Variants in XPNPEP3 observed in about 807,000 individuals in gnomAD.
XPNPEP3 encodes the protein xaa-Pro aminopeptidase 3.
In XPNPEP3, 41 loss-of-function variants were observed where a neutral mutation model predicts 60.0. That is an observed-to-expected ratio of 0.68 (90% CI 0.53 to 0.89). The LOEUF (loss-of-function observed/expected upper bound fraction) is 0.89, where lower values mean the gene tolerates loss of function less well. XPNPEP3 is among the 40% of genes least tolerant of loss of function. XPNPEP3 has a pLI of 0.00. For synonymous variants in XPNPEP3, 212 were observed against 223.2 expected, an observed-to-expected ratio of 0.95 and a Z score of 0.45; for missense variants, 598 against 638.9, an observed-to-expected ratio of 0.94 and a Z score of 0.69.
chr22:40,874,710 G>A (rs1160828538), intron 2 of XPNPEP3, among the ~76,000 whole-genome samples: 1 of 152,154 alleles, frequency 6.6e-6, no homozygotes, highest in African/African-American at 2.4e-5. Context: ...ATAGGCATGA[G>A]CCACCATACC....
At chr22:40,887,670 G>C (rs569707390) in intron 4 of XPNPEP3, among the ~76,000 whole-genome samples, 1 of 152,032 alleles carries the variant, frequency 6.6e-6, no homozygotes, top group Non-Finnish European at 1.5e-5. Context: ...TAATTCTGCG[G>C]GAAACACAAT....
rs143092590 is a variant in XPNPEP3 at position 40,882,136 on chromosome 22, A to C, written c.548A>C (p.Tyr183Ser). The C allele has an allele frequency of 6.2e-7, 1 of 1,614,096 alleles. No homozygotes were observed. Among genetic ancestry groups the C allele is most frequent in the African/African-American group, 1.3e-5 (1 of 74,938 alleles). The change falls in exon 3 of 10, where the codon TAT (tyrosine) becomes TCT (serine). Residue 183 changes from tyrosine to serine, a missense_variant. Tyr to Ser is a moderately radical substitution (Grantham distance 144). Transcript: ENST00000357137. The part of the protein sequence containing the change: ...AIALTGVDEA[Y>S]TLEEFQHLLP... ...GCTCTAACTGGAGTAGACGAAGCCT[A>C]TACGCTAGAAGAATTTCAACATCTT... is the stretch of plus-strand genomic sequence containing the variant.
intron 1 of XPNPEP3, chr22:40,860,811 T>A (rs746110378): frequency 3.1e-6 from 2 of 636,488 alleles, no homozygotes; most frequent in Non-Finnish European, 5.2e-6. Context: ...CCACCACACT[T>A]GGCTAATTTT....
intron 7 of XPNPEP3, among the ~76,000 whole-genome samples, chr22:40,921,129 C>T (rs1225426641): frequency 6.7e-6 from 1 of 150,072 alleles, no homozygotes; most frequent in Admixed American, 6.6e-5. Context: ...TGGACCTCCT[C>T]ATGGGTCAAG....
At chr22:40,902,930 A>G (rs1205646320) in intron 4 of XPNPEP3, among the ~76,000 whole-genome samples, 1 of 152,218 alleles carries the variant, frequency 6.6e-6, no homozygotes, top group Non-Finnish European at 1.5e-5. Flanking sequence ...GGAACCAGTG[A>G]TGAATGCCCA....
chr22:40,869,360 A>G (rs575782500), intron 2 of XPNPEP3, among the ~76,000 whole-genome samples: 15 of 152,294 alleles, frequency 9.8e-5, no homozygotes, highest in African/African-American at 3.6e-4. Flanking sequence ...TTTATTGACA[A>G]TACTAGTCTA....
rs1169327166 is a variant in XPNPEP3 at position 40,926,596 on chromosome 22, T to C, written c.*161T>C. 1.1e-6 allele frequency: 1 copy of C among 903,734 alleles called. No individual in the cohort carries two copies. Among genetic ancestry groups the C allele is most frequent in the African/African-American group, 1.6e-5 (1 of 60,832 alleles). 56.0% of individuals were successfully genotyped at this position (903,734 alleles called of 1,614,324 possible). A position where few individuals can be genotyped will look rare whatever the true frequency, so the allele number is the denominator to read the frequency against. On this transcript the variant is annotated 3_prime_UTR_variant, in exon 10 of 10. Transcript: ENST00000357137. The stretch of plus-strand genomic sequence containing the variant: ...TATGTAATTGTGTGTGGGGGGTTTT[T>C]TGTTTTAAGTAGTTAGAAGTCTGGG...
chr22:40,868,388 T>C (rs891110509), intron 1 of XPNPEP3, among the ~76,000 whole-genome samples: 1 of 152,124 alleles, frequency 6.6e-6, no homozygotes. Flanking sequence ...TTTCTTCTGT[T>C]TTCATAGCTC....
chr22:40,869,980 A>G (rs2057997356), intron 2 of XPNPEP3: 4 of 464,606 alleles, frequency 8.6e-6, no homozygotes, highest in South Asian at 3.1e-5. Flanking sequence ...CTTTTTCACT[A>G]TCCCCACTCA....
chr22:40,912,786 C>G (rs936691435), intron 6 of XPNPEP3, among the ~76,000 whole-genome samples: 2 of 152,104 alleles, frequency 1.3e-5, no homozygotes, highest in African/African-American at 4.8e-5. Context: ...GGGAGAATCG[C>G]TGGAACCCAG....
rs763190598 is a variant in XPNPEP3, at chr22:40,857,196, C to G, written c.15C>G (p.Leu5=). ...GTTAGGCCGTAATGCCTTGGCTGCT[C>G]TCAGCCCCCAAGCTGGTTCCCGCTG... The part of the protein sequence containing the change: MPWL[L]SAPKLVPAVA... The change falls in exon 1 of 10, where the codon CTC becomes CTG. Residue 5 remains leucine (L), a synonymous_variant. Coordinates refer to ENST00000357137, the MANE Select transcript of XPNPEP3 (RefSeq NM_022098.4). The G allele has an allele frequency of 1.9e-6, 3 of 1,614,230 alleles. No homozygotes were observed. Among genetic ancestry groups the G allele is most frequent in the Non-Finnish European group, 8.5e-7 (1 of 1,180,038 alleles).
intron 1 of XPNPEP3, among the ~76,000 whole-genome samples, chr22:40,866,815 T>C (rs2057980723): frequency 6.6e-6 from 1 of 152,220 alleles, no homozygotes; most frequent in Non-Finnish European, 1.5e-5. Flanking sequence ...TGTTAAAGTG[T>C]TACTTGTTTG....
chr22:40,881,257 C>T (rs1043922423), intron 2 of XPNPEP3, among the ~76,000 whole-genome samples: 15 of 151,868 alleles, frequency 9.9e-5, no homozygotes, highest in Admixed American at 5.9e-4. Flanking sequence ...CCATGTTGGC[C>T]GGGCTGGTCT....
intron 7 of XPNPEP3, among the ~76,000 whole-genome samples, chr22:40,916,769 AT>A (rs1040749855): frequency 3.9e-5 from 6 of 152,190 alleles, no homozygotes; most frequent in African/African-American, 1.2e-4. Flanking sequence ...CTTGGGGTGA[AT>A]ATTTGGGTGA....
At chr22:40,897,433 C>A (rs1012025805) in intron 4 of XPNPEP3, among the ~76,000 whole-genome samples, 1 of 151,826 alleles carries the variant, frequency 6.6e-6, no homozygotes, top group South Asian at 2.1e-4. Flanking sequence ...TTATTCAGGT[C>A]CCTGCTTTCA....
chr22:40,913,045 C>G (rs1472000384), intron 6 of XPNPEP3, among the ~76,000 whole-genome samples: 2 of 152,052 alleles, frequency 1.3e-5, no homozygotes, highest in Admixed American at 6.6e-5. Context: ...TTTGTACTTA[C>G]TTAGATATGA....
chr22:40,868,798 G>C (rs1197112019), intron 1 of XPNPEP3, among the ~76,000 whole-genome samples: 2 of 151,878 alleles, frequency 1.3e-5, no homozygotes, highest in African/African-American at 4.8e-5. Flanking sequence ...AGTGAGCCGA[G>C]ATCATGCCAC....
At chr22:40,886,704 G>A (rs1378680093) in intron 4 of XPNPEP3, among the ~76,000 whole-genome samples, 189 bp downstream of exon 4, 1 of 151,536 alleles carries the variant, frequency 6.6e-6, no homozygotes, top group Non-Finnish European at 1.5e-5. Flanking sequence ...GCGGGCTCCT[G>A]TAGTCCCAGC....
At chr22:40,885,580 CTT>C (rs1453267452) in intron 3 of XPNPEP3, among the ~76,000 whole-genome samples, 1 of 152,186 alleles carries the variant, frequency 6.6e-6, no homozygotes, top group Non-Finnish European at 1.5e-5. Context: ...GGATGGGACA[CTT>C]TACCCATAAA....
Sources: gnomAD v4.1 joint callset for allele counts (sites outside exome capture counted in the v4.1 genomes callset) on GRCh38, gnomAD v4.1.1 for gene constraint, MANE v1.5 for transcripts, NCBI Gene and HGNC (gene_info 2026-07-23, HGNC 2026-07-21) for gene names.